The following SMYD4 variants were observed in gnomAD, a reference collection of about 807,000 sequenced individuals.
SMYD4 encodes protein-lysine N-methyltransferase SMYD4.
SMYD4 carries 68 observed loss-of-function variants against 72.8 expected under a neutral mutation model. The ratio of observed to expected loss-of-function variants is 0.93; its 90% confidence interval spans 0.77 to 1.14. SMYD4 has a LOEUF of 1.14. Ranked by LOEUF, SMYD4 falls within the 50% of genes most tolerant of loss-of-function variation. The pLI is 0.00. For missense variants in SMYD4, 984 were observed against 1,003.7 expected (o/e 0.98, Z 0.27); for synonymous variants, 407 against 388.6 (o/e 1.05, Z -0.56).
intron 5 of SMYD4, among the ~76,000 whole-genome samples, chr17:1,794,735 A>T (rs77902821): frequency 1.1e-4 from 1 of 8,912 alleles, no homozygotes; most frequent in Admixed American, 4.0e-4. Flanking sequence ...CAGTTCTCTT[A>T]AAAAAAAAAA....
chr17:1,800,510 T>G lies in SMYD4; in HGVS notation c.884A>C (p.Tyr295Ser). 1 of 1,614,174 alleles carries G rather than the reference T, an allele frequency of 6.2e-7. No individual in the cohort carries two copies. Among genetic ancestry groups the G allele is most frequent in the Non-Finnish European group, 8.5e-7 (1 of 1,180,030 alleles). ...AGTGTGCTTCAAACATCGGTGACAA[T>G]AGAGGTCCCCATTGGTGACTCTGGT... ...WDTRVTNGDL[Y>S]CHRCLKHTLA... The change falls in exon 5 of 11, where the codon TAT becomes TCT. Residue 295 changes from tyrosine to serine, a missense_variant. Tyr to Ser is a moderately radical substitution (Grantham distance 144, BLOSUM62 -2). Transcript: ENST00000305513.
chr17:1,814,559 C>T (rs1473097044), intron 2 of SMYD4: 1 of 152,016 alleles, frequency 6.6e-6, no homozygotes, highest in East Asian at 1.9e-4. Flanking sequence ...GGTGCAGTGG[C>T]TTATACCTGT....
In SMYD4 at chr17:1,781,422, G is replaced by A. The variant is rs1489849006; in HGVS notation, c.2279C>T (p.Ala760Val). ...CTCAGCTTTCTGTATTGTGCTCAGG[G>A]CTTCGGGTACTGCAAACCTGAGCCA... ...IFFNGFAVPE[A>V]LSTIQKAEEV... The change falls in exon 11 of 11, where the codon GCC becomes GTC. Residue 760 changes from alanine (A) to valine (V), a missense_variant. Ala to Val is a moderately conservative substitution (Grantham distance 64). Transcript: ENST00000305513. 1.9e-6 allele frequency: 3 copies of A among 1,613,912 alleles called. No individual in the cohort carries two copies. The highest frequency in any genetic ancestry group is 2.5e-6 in the Non-Finnish European group (3 of 1,179,956).
At chr17:1,783,798 T>C in intron 8 of SMYD4, 1 of 400,996 alleles carries the variant, frequency 2.5e-6, no homozygotes, top group East Asian at 5.1e-5. Flanking sequence ...AAAGGTCAAC[T>C]TTCATAAAGC....
At position 1,800,071 on chromosome 17, in the gene SMYD4, G is replaced by A; in HGVS notation, c.1323C>T (p.Phe441=). 12 of 1,612,380 alleles carry A rather than the reference G, an allele frequency of 7.4e-6. No homozygotes were observed. Among genetic ancestry groups the A allele is most frequent in the Non-Finnish European group, 1.0e-5 (12 of 1,178,724 alleles). Residue 441 remains phenylalanine, a synonymous_variant, in exon 5 of 11, where the codon TTC becomes TTT. Transcript: ENST00000305513. ...HTENHSPEHK[F]LCALCVSALC... ...GTGCAGAAACACAGAGAGCACAGAG[G>A]AATTTGTGCTCTGGGCTATGGTTTT...
At chr17:1,814,251 G>A (rs1473116061) in intron 2 of SMYD4, among the ~76,000 whole-genome samples, 1 of 152,112 alleles carries the variant, frequency 6.6e-6, no homozygotes, top group Non-Finnish European at 1.5e-5. Flanking sequence ...GCTGCAGTGA[G>A]CCAGGAGGGC....
chr17:1,786,598 T>G (rs889931076), intron 7 of SMYD4, among the ~76,000 whole-genome samples: 4 of 152,236 alleles, frequency 2.6e-5, no homozygotes, highest in Non-Finnish European at 5.9e-5. Flanking sequence ...TGGGATCTTC[T>G]GTCCTTTATA....
chr17:1,784,187 T>TA, intron 8 of SMYD4, 139 bp downstream of exon 8: 1 of 1,350,532 alleles, frequency 7.4e-7, no homozygotes, highest in Non-Finnish European at 1.0e-6. Flanking sequence ...CTCACTGGCC[T>TA]ATATAGCCAT....
At chr17:1,782,881 A>T in intron 10 of SMYD4, 154 bp downstream of exon 10, 1 of 1,218,614 alleles carries the variant, frequency 8.2e-7, no homozygotes, top group Non-Finnish European at 1.1e-6. Flanking sequence ...CTAAAGCGTT[A>T]TGTTTGTTAG....
intron 4 of SMYD4, among the ~76,000 whole-genome samples, chr17:1,802,327 T>C (rs1278473402): frequency 6.6e-6 from 1 of 151,964 alleles, no homozygotes; most frequent in Non-Finnish European, 1.5e-5. Context: ...CCCTGGGCTC[T>C]ATAAAAAAAT....
chr17:1,818,580 C>T (rs780887095), intron 2 of SMYD4, among the ~76,000 whole-genome samples: 3 of 152,154 alleles, frequency 2.0e-5, no homozygotes, highest in South Asian at 4.1e-4. Context: ...CCTAACCAAT[C>T]CAAGATCAAC....
intron 3 of SMYD4, among the ~76,000 whole-genome samples, chr17:1,810,646 T>G (rs1018863725): frequency 6.6e-6 from 1 of 152,152 alleles, no homozygotes; most frequent in Non-Finnish European, 1.5e-5. Flanking sequence ...CTGACCCAGG[T>G]GAGGACAAGC....
chr17:1,822,206 C>A (rs1597398449), intron 2 of SMYD4, among the ~76,000 whole-genome samples: 2 of 152,120 alleles, frequency 1.3e-5, no homozygotes, highest in East Asian at 3.9e-4. Context: ...TGCACTCCAG[C>A]CTGGGTAACA....
intron 2 of SMYD4, among the ~76,000 whole-genome samples, chr17:1,827,540 G>T (rs1472919353): frequency 6.6e-6 from 1 of 152,152 alleles, no homozygotes; most frequent in Admixed American, 6.5e-5. Flanking sequence ...CCTGAGGAAA[G>T]ATCTGGCTAA....
At chr17:1,823,338 G>A (rs1279194661) in intron 2 of SMYD4, among the ~76,000 whole-genome samples, 3 of 144,788 alleles carry the variant, frequency 2.1e-5, no homozygotes, top group Non-Finnish European at 4.5e-5. Context: ...AGCTTGCAGT[G>A]AGCCGAGATC....
intron 8 of SMYD4, chr17:1,783,857 A>G: frequency 3.2e-6 from 1 of 313,996 alleles, no homozygotes; most frequent in South Asian, 3.7e-5. Context: ...AGGGTTTTCA[A>G]GGGCAATGGG....
At chr17:1,784,771 C>G (rs1008074924) in intron 7 of SMYD4, among the ~76,000 whole-genome samples, 4 of 151,884 alleles carry the variant, frequency 2.6e-5, no homozygotes, top group African/African-American at 9.7e-5. Flanking sequence ...CTTTAGATGA[C>G]AAACATTTCT....
At position 1,800,446 on chromosome 17, in the gene SMYD4, C is replaced by G. The variant is rs772054116; in HGVS notation, c.948G>C (p.Lys316Asn). The change falls in exon 5 of 11, where the codon AAG (lysine) becomes AAC (asparagine). Residue 316 changes from lysine to asparagine, a missense_variant. Physicochemically the swap from Lys to Asn is moderately conservative, Grantham distance 94. Transcript: ENST00000305513. ...GCTGCAAACACTCCTGGCTGCAATA[C>G]TTGGCATAACTGCATCCGTCACACG... is the stretch of plus-strand genomic sequence containing the variant. ...TVPCDGCSYA[K>N]YCSQECLQQA... is the part of the protein sequence containing the mutation. The G allele has an allele frequency of 6.2e-7, 1 of 1,614,200 alleles. No homozygotes were observed. Among genetic ancestry groups the G allele is most frequent in the East Asian group, 2.2e-5 (1 of 44,872 alleles).
chr17:1,794,114 T>A (rs1490587559), intron 5 of SMYD4, among the ~76,000 whole-genome samples: 4 of 60,876 alleles, frequency 6.6e-5, no homozygotes, highest in South Asian at 4.8e-4. Context: ...TATTTTTTTT[T>A]TTTTTTTTTT....
Sources: allele counts gnomAD v4.1 joint callset (sites outside exome capture counted in the v4.1 genomes callset), GRCh38; gene constraint gnomAD v4.1.1; transcripts MANE v1.5; gene names NCBI Gene and HGNC (gene_info 2026-07-23, HGNC 2026-07-21).